The following RARB variants were observed in gnomAD, a reference collection of about 807,000 sequenced individuals.
RARB encodes the protein HBV-activated protein.
RARB carries 17 observed loss-of-function variants against 51.9 expected under a neutral mutation model. The ratio of observed to expected loss-of-function variants is 0.33; its 90% CI spans 0.22 to 0.49. The LOEUF (loss-of-function observed/expected upper bound fraction) is 0.49, where lower values mean the gene tolerates loss of function less well. Ranked by LOEUF, RARB falls within the 20% of genes least tolerant of loss-of-function variation. The probability of loss-of-function intolerance (pLI) is 0.99; values close to 1 mark genes in which losing one functional copy is unlikely to be tolerated. For synonymous variants in RARB, 215 were observed against 195.4 expected, an observed-to-expected ratio of 1.10 and a Z score of -0.84; for missense variants, 369 against 550.8, an observed-to-expected ratio of 0.67 and a Z score of 3.30.
intron 1 of RARB, among the ~76,000 whole-genome samples, chr3:25,434,010 G>A (rs1708316362): frequency 6.6e-6 from 1 of 152,196 alleles, no homozygotes; most frequent in African/African-American, 2.4e-5. Flanking sequence ...GCCCTGTAGG[G>A]TGGGGGAGCT....
intron 2 of RARB, among the ~76,000 whole-genome samples, chr3:24,884,847 A>T (rs1471112155): frequency 6.6e-6 from 1 of 152,174 alleles, no homozygotes; most frequent in Non-Finnish European, 1.5e-5. Flanking sequence ...AAGAAAGAAA[A>T]TATAACCTGA....
chr3:25,443,409 C>A (rs1299184735), intron 1 of RARB, among the ~76,000 whole-genome samples: 1 of 133,474 alleles, frequency 7.5e-6, no homozygotes, highest in African/African-American at 2.7e-5. Context: ...CCCCTTGTCC[C>A]CCCCACCACC....
chr3:24,838,383 G>A (rs1559367936), intron 1 of RARB, among the ~76,000 whole-genome samples: 1 of 152,174 alleles, frequency 6.6e-6, no homozygotes, highest in Non-Finnish European at 1.5e-5. Flanking sequence ...ATTCACAGGA[G>A]CAATAGCAGA....
At chr3:25,303,879 C>G (rs1255013233) in intron 5 of RARB, among the ~76,000 whole-genome samples, 2 of 152,120 alleles carry the variant, frequency 1.3e-5, no homozygotes, top group African/African-American at 4.8e-5. Flanking sequence ...AGATGAAATG[C>G]AACTGTGGGT....
intron 5 of RARB, among the ~76,000 whole-genome samples, chr3:25,273,987 C>A (rs1047713860): frequency 1.3e-5 from 2 of 152,150 alleles, no homozygotes; most frequent in Admixed American, 1.3e-4. Flanking sequence ...CTGCATGCGG[C>A]AGCCTGTCCC....
intron 2 of RARB, among the ~76,000 whole-genome samples, chr3:24,946,014 G>C (rs201919486): frequency 1.3e-5 from 2 of 151,988 alleles, no homozygotes; most frequent in African/African-American, 4.8e-5. Context: ...GCCTGTAATC[G>C]CAGCACTTTG....
At chr3:25,353,589 T>G (rs1705642486) in intron 5 of RARB, among the ~76,000 whole-genome samples, 1 of 152,100 alleles carries the variant, frequency 6.6e-6, no homozygotes, top group Non-Finnish European at 1.5e-5. Flanking sequence ...CTGAGATTTT[T>G]TTTTTTTTTG....
chr3:24,958,179 G>A (rs1696058244), intron 2 of RARB, among the ~76,000 whole-genome samples: 1 of 149,500 alleles, frequency 6.7e-6, no homozygotes, highest in South Asian at 2.2e-4. Context: ...AAGGATAACA[G>A]GGAGGCATTC....
chr3:25,430,982 CTA>C (rs1408639378), intron 1 of RARB, among the ~76,000 whole-genome samples: 3 of 133,292 alleles, frequency 2.3e-5, no homozygotes, highest in Admixed American at 7.7e-5. Flanking sequence ...ATAAATAAAA[CTA>C]AAACTTTTTT....
At chr3:25,222,598 TTGAG>T (rs1453228293) in intron 5 of RARB, among the ~76,000 whole-genome samples, 1 of 152,122 alleles carries the variant, frequency 6.6e-6, no homozygotes, top group Non-Finnish European at 1.5e-5. Context: ...GTTGGTATAA[TTGAG>T]TATTATATTC....
intron 5 of RARB, among the ~76,000 whole-genome samples, chr3:25,323,237 C>G (rs1386668677): frequency 6.6e-6 from 1 of 152,182 alleles, no homozygotes; most frequent in African/African-American, 2.4e-5. Flanking sequence ...TTCTGCTGGT[C>G]AAAGCAAACC....
intron 4 of RARB, among the ~76,000 whole-genome samples, chr3:25,132,431 T>C (rs751955237): frequency 2.0e-5 from 3 of 151,862 alleles, no homozygotes; most frequent in Non-Finnish European, 4.4e-5. Context: ...TCCAAGAATT[T>C]TGTGGCTTGC....
chr3:25,277,343 C>A (rs1210283283), intron 5 of RARB, among the ~76,000 whole-genome samples: 1 of 152,140 alleles, frequency 6.6e-6, no homozygotes, highest in Non-Finnish European at 1.5e-5. Context: ...TCATCCTAAT[C>A]CACTCCAGGA....
At chr3:25,043,453 G>GT (rs1200193966) in intron 2 of RARB, among the ~76,000 whole-genome samples, 7 of 152,204 alleles carry the variant, frequency 4.6e-5, no homozygotes, top group African/African-American at 1.7e-4. Context: ...GATGTGAAAT[G>GT]TAATGTGTTT....
chr3:24,967,013 T>C lies in RARB; in HGVS notation c.-379-93112T>C, dbSNP rs1449777402. On this transcript the variant is annotated intron_variant, in intron 2 of 11. Coordinates refer to the RARB transcript ENST00000383772. ...ATGCCCATATTCAAAATTAAATGTG[T>C]CCATGTCTTTTATTTACTTTGTGTA... is the stretch of plus-strand genomic sequence containing the variant. Among the ~76,000 whole-genome samples, 4 of 152,174 alleles carry C rather than the reference T, an allele frequency of 2.6e-5. No homozygotes were observed. In the East Asian group the frequency reaches 7.7e-4, roughly 29 times the overall value.
intron 3 of RARB, among the ~76,000 whole-genome samples, chr3:25,509,965 G>T (rs1697807902): frequency 6.6e-6 from 1 of 152,188 alleles, no homozygotes; most frequent in Non-Finnish European, 1.5e-5. Context: ...TGTCCACCCT[G>T]TGGCCTCCTC....
intron 2 of RARB, among the ~76,000 whole-genome samples, chr3:24,959,027 C>T (rs1024719778): frequency 5.9e-5 from 9 of 152,192 alleles, no homozygotes; most frequent in African/African-American, 1.9e-4. Context: ...ATGCAGGCCC[C>T]ACAGTAGCTT....
intron 4 of RARB, among the ~76,000 whole-genome samples, chr3:25,133,548 G>T (rs1699985551): frequency 1.3e-5 from 2 of 151,974 alleles, no homozygotes; most frequent in Admixed American, 1.3e-4. Flanking sequence ...GGCAAAGCTA[G>T]GAATAAATCC....
At chr3:25,290,211 A>G (rs972638902) in intron 5 of RARB, among the ~76,000 whole-genome samples, 4 of 152,186 alleles carry the variant, frequency 2.6e-5, no homozygotes, top group Non-Finnish European at 5.9e-5. Context: ...GAACATAACT[A>G]CGTTTGGAAA....
Sources: gnomAD v4.1 joint callset for allele counts (sites outside exome capture counted in the v4.1 genomes callset) on GRCh38, gnomAD v4.1.1 for gene constraint, MANE v1.5 for transcripts, NCBI Gene and HGNC (gene_info 2026-07-23, HGNC 2026-07-21) for gene names.